Variants in LOC122513141 observed in about 807,000 individuals in gnomAD.
At chr9:137,218,346 C>T in the LOC122513141 span, 2 of 398,248 alleles carry the variant, frequency 5.0e-6, no homozygotes, top group Non-Finnish European at 8.9e-6. Context: ...AACCCTGGGC[C>T]CTGGGGCTCC....
At chr9:137,218,537 C>G in the LOC122513141 span, 1 of 401,288 alleles carries the variant, frequency 2.5e-6, no homozygotes, top group Non-Finnish European at 4.4e-6. Context: ...GGGGCTGCTG[C>G]TGGTCTTCAC....
At chr9:137,218,314 G>A in the LOC122513141 span, 1 of 398,146 alleles carries the variant, frequency 2.5e-6, no homozygotes, top group East Asian at 3.6e-5. Context: ...CCCGCCGAGA[G>A]GCCCCTGCAT....
At chr9:137,217,802 C>G in the LOC122513141 span, 2 of 397,174 alleles carry the variant, frequency 5.0e-6, no homozygotes, top group Middle Eastern at 6.2e-4. Context: ...GGCCACCACC[C>G]CTGAACTGTG....
chr9:137,219,249 C>T, the LOC122513141 span: 1 of 152,232 alleles, frequency 6.6e-6, no homozygotes, highest in Non-Finnish European at 1.5e-5. Flanking sequence ...AAGCTCTGCC[C>T]CTGCACACCC....
the LOC122513141 span, chr9:137,218,550 C>T: frequency 3.0e-5 from 12 of 400,442 alleles, no homozygotes; most frequent in African/African-American, 4.1e-5. Context: ...GTCTTCACGC[C>T]GCTCCTGCTG....
At chr9:137,217,767 CCTCCTATCCTGA>C in the LOC122513141 span, 1 of 359,040 alleles carries the variant, frequency 2.8e-6, no homozygotes, top group Non-Finnish European at 4.8e-6. Context: ...GGGTCCCTGT[CCTCCTATCCTGA>C]CTCCTGCCCC....
the LOC122513141 span, chr9:137,218,579 C>G: frequency 5.0e-6 from 2 of 399,354 alleles, no homozygotes; most frequent in Non-Finnish European, 8.8e-6. Context: ...GCTCTTCGTG[C>G]TCCTGGACCG....
At chr9:137,218,620 C>G in the LOC122513141 span, 1 of 398,588 alleles carries the variant, frequency 2.5e-6, no homozygotes, top group Non-Finnish European at 4.4e-6. Flanking sequence ...CCAGGACAGC[C>G]CCGCCGCCAA....
chr9:137,218,328 A>G, the LOC122513141 span: 1 of 397,994 alleles, frequency 2.5e-6, no homozygotes, highest in Admixed American at 4.4e-5. Flanking sequence ...CCTGCATCCT[A>G]TCACCGCAAC....
the LOC122513141 span, chr9:137,218,367 G>A: frequency 2.5e-6 from 1 of 398,290 alleles, no homozygotes; most frequent in East Asian, 3.6e-5. Flanking sequence ...CTGGAGCACC[G>A]CTACCAGCTG....
At chr9:137,217,961 AC>A in the LOC122513141 span, 1 of 398,664 alleles carries the variant, frequency 2.5e-6, no homozygotes, top group Non-Finnish European at 4.4e-6. Context: ...AGGTGCTGAG[AC>A]TACAGCCAGT....
the LOC122513141 span, chr9:137,218,214 C>T: frequency 6.0e-5 from 24 of 398,418 alleles, no homozygotes; most frequent in African/African-American, 2.9e-4. Context: ...GTGCGCTGCC[C>T]GCTGTGCCGC....
chr9:137,218,196 T>G, the LOC122513141 span: 1 of 398,456 alleles, frequency 2.5e-6, no homozygotes, highest in South Asian at 1.3e-4. Context: ...AGTGCCGACC[T>G]GGGCCGGGTG....
At chr9:137,218,558 C>T in the LOC122513141 span, 1 of 399,612 alleles carries the variant, frequency 2.5e-6, no homozygotes, top group Non-Finnish European at 4.4e-6. Context: ...GCCGCTCCTG[C>T]TGCTGGGACT....
At chr9:137,218,229 A>G in the LOC122513141 span, 3 of 398,222 alleles carry the variant, frequency 7.5e-6, no homozygotes, top group Non-Finnish European at 1.3e-5. Flanking sequence ...TGCCGCCAGA[A>G]GACGCCCGTG....
At chr9:137,218,144 CTG>C in the LOC122513141 span, 2 of 398,514 alleles carry the variant, frequency 5.0e-6, no homozygotes, top group African/African-American at 4.1e-5. Context: ...TAGCCACGGC[CTG>C]TGTGTGGGCT....
At chr9:137,218,496 C>T in the LOC122513141 span, 34 of 398,332 alleles carry the variant, frequency 8.5e-5, no homozygotes, top group Middle Eastern at 6.2e-4. Context: ...CGCCGCCTGG[C>T]GCTGCTGAGC....
At chr9:137,218,379 G>A in the LOC122513141 span, 4 of 398,232 alleles carry the variant, frequency 1.0e-5, no homozygotes. Flanking sequence ...TACCAGCTGC[G>A]CTTCCTGGCA....
the LOC122513141 span, chr9:137,218,642 G>T: frequency 1.0e-5 from 4 of 398,434 alleles, no homozygotes; most frequent in Non-Finnish European, 1.8e-5. Flanking sequence ...AGGCCAGGGG[G>T]CCCAGACTGG....
Sources: allele counts gnomAD v4.1 joint callset, GRCh38; gene constraint gnomAD v4.1.1; transcripts MANE v1.5.